CHN2: variants seen among roughly 807,000 people sequenced by gnomAD.
The protein encoded by CHN2 is chimerin 2, also known as beta-chimaerin.
Under a neutral mutation model 56.3 loss-of-function variants are expected in CHN2, and 35 were observed. The observed-to-expected ratio is 0.62, with a 90% CI of 0.47 to 0.82. The LOEUF (loss-of-function observed/expected upper bound fraction) is 0.82. CHN2 is among the 40% of genes least tolerant of loss of function. The probability of loss-of-function intolerance (pLI) is 0.00; values close to 1 mark genes in which losing one functional copy is unlikely to be tolerated. For missense variants in CHN2, 491 were observed against 580.5 expected (o/e 0.85, Z 1.58); for synonymous variants, 210 against 212.8 (o/e 0.99, Z 0.12).
chr7:29,354,166 TG>T, intron 1 of CHN2, among the ~76,000 whole-genome samples: 1 of 152,312 alleles, frequency 6.6e-6, no homozygotes, highest in Non-Finnish European at 1.5e-5. Flanking sequence ...GGAGTTCAGT[TG>T]GTTGAGTTGC....
intron 1 of CHN2, among the ~76,000 whole-genome samples, chr7:29,260,020 C>T (rs1789410117): frequency 6.6e-6 from 1 of 152,054 alleles, no homozygotes; most frequent in Non-Finnish European, 1.5e-5. Flanking sequence ...CTCTGTTGCC[C>T]AGCTTGGAGT....
At chr7:29,366,392 A>C (rs1799164312) in intron 2 of CHN2, among the ~76,000 whole-genome samples, 1 of 152,172 alleles carries the variant, frequency 6.6e-6, no homozygotes, top group African/African-American at 2.4e-5. Flanking sequence ...ATGCATAGGA[A>C]AAAGGCAGCC....
At chr7:29,447,705 A>G (rs1784126962) in intron 6 of CHN2, among the ~76,000 whole-genome samples, 1 of 152,176 alleles carries the variant, frequency 6.6e-6, no homozygotes, top group Admixed American at 6.5e-5. Context: ...GGTGAGAGGG[A>G]TATGTTAATT....
chr7:29,405,758 G>T, intron 6 of CHN2, among the ~76,000 whole-genome samples: 1 of 152,184 alleles, frequency 6.6e-6, no homozygotes, highest in Non-Finnish European at 1.5e-5. Context: ...TCAGCGTTTT[G>T]TTTGTTTGTT....
intron 6 of CHN2, chr7:29,479,914 GCCCATC>G (rs1786957555): frequency 7.0e-7 from 1 of 1,433,418 alleles, no homozygotes; most frequent in Non-Finnish European, 9.1e-7. Context: ...CACAAAACAG[GCCCATC>G]CTTATTCAGA....
At chr7:29,269,498 T>A (rs1033593543) in intron 1 of CHN2, among the ~76,000 whole-genome samples, 1 of 152,236 alleles carries the variant, frequency 6.6e-6, no homozygotes, top group African/African-American at 2.4e-5. Flanking sequence ...TTGTGAATAG[T>A]CTTCCAATGA....
At chr7:29,475,476 T>C (rs1786513351) in intron 6 of CHN2, among the ~76,000 whole-genome samples, 1 of 152,214 alleles carries the variant, frequency 6.6e-6, no homozygotes, top group African/African-American at 2.4e-5. Context: ...ATTATGGGGA[T>C]GAGAGACTGT....
At chr7:29,455,998 G>A (rs1784725273) in intron 6 of CHN2, among the ~76,000 whole-genome samples, 1 of 152,318 alleles carries the variant, frequency 6.6e-6, no homozygotes, top group South Asian at 2.1e-4. Flanking sequence ...AGTTCATTCT[G>A]CAGGTCTGAG....
At chr7:29,504,699 A>G in intron 9 of CHN2, 45 bp from the exon 10 acceptor site, 2 of 1,139,570 alleles carry the variant, frequency 1.8e-6, no homozygotes, top group Non-Finnish European at 2.5e-6. Context: ...TTTTTTTTAG[A>G]TGTTTCAAGA....
At chr7:29,385,399 A>T (rs1464547860) in intron 3 of CHN2, among the ~76,000 whole-genome samples, 2 of 152,246 alleles carry the variant, frequency 1.3e-5, no homozygotes, top group Admixed American at 1.3e-4. Context: ...TGTTTGTTGT[A>T]GGGGGTTGTC....
chr7:29,423,844 C>T (rs933490975), intron 6 of CHN2, among the ~76,000 whole-genome samples: 2 of 152,160 alleles, frequency 1.3e-5, no homozygotes, highest in Admixed American at 6.5e-5. Context: ...ATATCCTGGT[C>T]GCAGGCTGGT....
chr7:29,303,013 C>T (rs933417586), intron 1 of CHN2, among the ~76,000 whole-genome samples: 1 of 152,166 alleles, frequency 6.6e-6, no homozygotes, highest in Admixed American at 6.5e-5. Flanking sequence ...TGACAGATCC[C>T]GGTCCCGCCC....
chr7:29,482,805 T>C (rs1433003367), intron 7 of CHN2, among the ~76,000 whole-genome samples: 7 of 16,544 alleles, frequency 4.2e-4, no homozygotes, highest in South Asian at 6.9e-3. Flanking sequence ...TTCTTTTTTT[T>C]TTTTTTTTTT....
chr7:29,419,016 G>A (rs9648361), intron 6 of CHN2, among the ~76,000 whole-genome samples: 32,795 of 152,050 alleles, frequency 0.22, 3,578 homozygotes, highest in Middle Eastern at 0.26. Flanking sequence ...ACTTCTCAGC[G>A]TACCAGTATG....
At chr7:29,154,496 C>T (rs994416491) in intron 2 of CHN2, among the ~76,000 whole-genome samples, 8 of 152,146 alleles carry the variant, frequency 5.3e-5, no homozygotes, top group African/African-American at 1.9e-4. Context: ...TTCTTATACT[C>T]TAGATGTCAT....
In CHN2 at chr7:29,307,036, T is replaced by G. The variant is rs139497020; in HGVS notation, c.50-47589T>G. Among the ~76,000 whole-genome samples, 173 of 152,350 alleles carry G rather than the reference T, an allele frequency of 1.1e-3. 1 individual carries two copies. Among genetic ancestry groups the G allele is most frequent in the African/African-American group, 3.7e-3 (152 of 41,580 alleles). On this transcript the variant is annotated intron_variant, in intron 1 of 12. Transcript: ENST00000222792. ...AAGAGGACATCCGTAATCTCTCATT[T>G]TGGGGACAGCAGGAAAGAGATGTGC...
intron 6 of CHN2, among the ~76,000 whole-genome samples, chr7:29,421,269 G>A (rs987065778): frequency 1.1e-4 from 16 of 152,132 alleles, no homozygotes; most frequent in African/African-American, 2.9e-4. Context: ...AGAGTCAGCC[G>A]CACTGGGACT....
intron 2 of CHN2, among the ~76,000 whole-genome samples, chr7:29,358,527 A>G (rs765230309): frequency 5.3e-5 from 8 of 151,936 alleles, no homozygotes; most frequent in South Asian, 2.1e-4. Flanking sequence ...CGGTGGTGCT[A>G]TCTCAGCTCA....
intron 7 of CHN2, among the ~76,000 whole-genome samples, chr7:29,486,638 TACTC>T (rs968516274): frequency 7.2e-5 from 11 of 152,078 alleles, no homozygotes; most frequent in Admixed American, 6.5e-4. Context: ...TTGCCCTACT[TACTC>T]TTATATGTCC....
Sources: gnomAD v4.1 joint callset for allele counts (sites outside exome capture counted in the v4.1 genomes callset) on GRCh38, gnomAD v4.1.1 for gene constraint, MANE v1.5 for transcripts, NCBI Gene and HGNC (gene_info 2026-07-23, HGNC 2026-07-21) for gene names.